Variants in SRGAP1 observed in about 807,000 individuals in gnomAD.
SRGAP1 encodes the protein SLIT-ROBO Rho GTPase activating protein 1.
Under a neutral mutation model 121.9 loss-of-function variants are expected in SRGAP1, and 43 were observed. The ratio of observed to expected loss-of-function variants is 0.35; its 90% CI spans 0.28 to 0.46. The LOEUF is 0.46. SRGAP1 is among the 20% of genes least tolerant of loss of function. The pLI is 1.00. For missense variants in SRGAP1, 1,102 were observed against 1,350.9 expected, an observed-to-expected ratio of 0.82 and a Z score of 2.89; for synonymous variants, 447 against 485.4, an observed-to-expected ratio of 0.92 and a Z score of 1.04.
chr12:64,062,153 A>AGGT (rs931701448), intron 6 of SRGAP1, among the ~76,000 whole-genome samples: 6 of 152,152 alleles, frequency 3.9e-5, no homozygotes, highest in African/African-American at 1.4e-4. Flanking sequence ...GCAGTGTATG[A>AGGT]GGGCTCCAAT....
At chr12:64,084,587 T>C (rs1296263717) in intron 10 of SRGAP1, among the ~76,000 whole-genome samples, 1 of 152,130 alleles carries the variant, frequency 6.6e-6, no homozygotes, top group Non-Finnish European at 1.5e-5. Flanking sequence ...GTGGTTATAC[T>C]GTGAATCATA....
chr12:64,088,025 T>G (rs909637241), intron 11 of SRGAP1, among the ~76,000 whole-genome samples: 5 of 152,218 alleles, frequency 3.3e-5, no homozygotes, highest in Non-Finnish European at 7.3e-5. Context: ...CATAGCAAGA[T>G]GTTGCATTTT....
intron 8 of SRGAP1, among the ~76,000 whole-genome samples, chr12:64,076,959 A>G (rs1178304551): frequency 6.6e-6 from 1 of 152,222 alleles, no homozygotes; most frequent in Non-Finnish European, 1.5e-5. Flanking sequence ...GAAAAATTAA[A>G]GAATATAGAG....
At chr12:64,003,412 C>T (rs1429026277) in intron 3 of SRGAP1, among the ~76,000 whole-genome samples, 1 of 131,448 alleles carries the variant, frequency 7.6e-6, no homozygotes, top group African/African-American at 3.0e-5. Flanking sequence ...AAAGCAACCA[C>T]GATAAAAATG....
chr12:64,112,069 C>G (rs766951347), intron 17 of SRGAP1, 83 bp downstream of exon 17: 5 of 1,094,776 alleles, frequency 4.6e-6, no homozygotes, highest in Non-Finnish European at 6.6e-6. Flanking sequence ...AAAGAGTTTC[C>G]CATAAGCCAC....
chr12:64,041,950 G>A (rs2035035411), intron 4 of SRGAP1, among the ~76,000 whole-genome samples: 1 of 149,644 alleles, frequency 6.7e-6, no homozygotes, highest in South Asian at 2.1e-4. Context: ...CCAGGCTGGA[G>A]TACAGTGGCA....
At position 64,080,339 on chromosome 12, in the gene SRGAP1, A is replaced by G. The variant is rs765119893; in HGVS notation, c.1377A>G (p.Lys459=). 3.1e-6 allele frequency: 5 copies of G among 1,613,796 alleles called. No homozygotes were observed. The African/African-American group carries it at 6.7e-5, about 22-fold the overall frequency. ...GSNLITKLQA[K]HDLLQRTLGE... Reference sequence around the variant, plus strand: ...ATCTCATCACAAAACTTCAAGCCAAACATGACTTGCTGCAGAGGACCCTGG... The same window carrying G: ...ATCTCATCACAAAACTTCAAGCCAAGCATGACTTGCTGCAGAGGACCCTGG... Residue 459 remains lysine (K), a synonymous_variant, in exon 10 of 22, where the codon AAA becomes AAG. Transcript: ENST00000355086.
chr12:63,967,361 G>C (rs1391389546), intron 1 of SRGAP1, among the ~76,000 whole-genome samples: 3 of 152,200 alleles, frequency 2.0e-5, no homozygotes, highest in Non-Finnish European at 2.9e-5. Context: ...AGGATGGCTT[G>C]AGCCCAGAAA....
At chr12:63,898,739 A>G (rs1028603567) in intron 1 of SRGAP1, among the ~76,000 whole-genome samples, 2 of 152,244 alleles carry the variant, frequency 1.3e-5, no homozygotes, top group Non-Finnish European at 2.9e-5. Flanking sequence ...GTTAATTTCT[A>G]TAGTATCGTC....
At chr12:64,092,481 C>T (rs1024406325) in intron 12 of SRGAP1, among the ~76,000 whole-genome samples, 5 of 151,522 alleles carry the variant, frequency 3.3e-5, no homozygotes, top group Non-Finnish European at 7.4e-5. Context: ...TACATACATA[C>T]ATACATACAT....
chr12:64,105,240 GTTTTTC>G (rs1263750640), intron 15 of SRGAP1, among the ~76,000 whole-genome samples: 2 of 152,118 alleles, frequency 1.3e-5, no homozygotes, highest in African/African-American at 2.4e-5. Context: ...TGTCAGAAAT[GTTTTTC>G]TTTTTAAGGC....
chr12:63,930,556 G>T (rs1275285449), intron 1 of SRGAP1, among the ~76,000 whole-genome samples: 2 of 152,028 alleles, frequency 1.3e-5, no homozygotes, highest in East Asian at 3.9e-4. Flanking sequence ...AATGTTAGGT[G>T]TCACTTTTCT....
intron 1 of SRGAP1, among the ~76,000 whole-genome samples, chr12:63,894,369 T>C (rs1225928436): frequency 6.6e-6 from 1 of 152,108 alleles, no homozygotes; most frequent in Non-Finnish European, 1.5e-5. Flanking sequence ...TCCTAGCAAC[T>C]CTTCCCCTTT....
At chr12:64,053,428 G>A (rs1225042821) in intron 6 of SRGAP1, among the ~76,000 whole-genome samples, 1 of 152,130 alleles carries the variant, frequency 6.6e-6, no homozygotes, top group Admixed American at 6.6e-5. Context: ...TAGTTAACCT[G>A]GAGTATCACT....
At position 64,111,933 on chromosome 12, in the gene SRGAP1, T is replaced by C; in HGVS notation, c.2091T>C (p.Ala697=). 1 of 1,614,074 alleles carries C rather than the reference T, an allele frequency of 6.2e-7. No individual in the cohort carries two copies. ...ACCATGAGACTATTTTCCCAGATGC[T>C]AAAGAGCTGGATGGCCCTGTTTATG... ...IIHHETIFPD[A]KELDGPVYEK... is the part of the protein sequence containing the mutation. Residue 697 remains alanine, a synonymous_variant, in exon 17 of 22, where the codon GCT becomes GCC. Transcript: ENST00000355086.
intron 1 of SRGAP1, among the ~76,000 whole-genome samples, chr12:63,931,326 C>A (rs17099926): frequency 0.033 from 5,004 of 152,110 alleles, 275 homozygotes; most frequent in African/African-American, 0.11. Flanking sequence ...ATTAAAATTG[C>A]CTTTATTTTG....
chr12:64,061,926 A>T (rs1011989832), intron 6 of SRGAP1, among the ~76,000 whole-genome samples: 1 of 152,150 alleles, frequency 6.6e-6, no homozygotes. Context: ...TATTTTATTT[A>T]TTAGTTTGTA....
At chr12:63,925,792 C>G (rs1213476937) in intron 1 of SRGAP1, among the ~76,000 whole-genome samples, 1 of 152,146 alleles carries the variant, frequency 6.6e-6, no homozygotes, top group East Asian at 1.9e-4. Context: ...AGATGGCATC[C>G]TTATGTTTAT....
intron 1 of SRGAP1, among the ~76,000 whole-genome samples, chr12:63,970,252 A>C (rs1165828935): frequency 2.0e-5 from 3 of 152,184 alleles, no homozygotes; most frequent in Admixed American, 6.5e-5. Context: ...GGTGAGAGCT[A>C]TCTGGTGCTG....
Sources: gnomAD v4.1 joint callset for allele counts (sites outside exome capture counted in the v4.1 genomes callset) on GRCh38, gnomAD v4.1.1 for gene constraint, MANE v1.5 for transcripts, NCBI Gene and HGNC (gene_info 2026-07-23, HGNC 2026-07-21) for gene names.